C1QTNF7: variants seen among roughly 807,000 people sequenced by gnomAD.
C1QTNF7 encodes the protein C1q and TNF related 7, also known as complement C1q tumor necrosis factor-related protein 7.
In C1QTNF7, 15 loss-of-function variants were observed where a neutral mutation model predicts 19.6. The ratio of observed to expected loss-of-function variants is 0.76; its 90% CI spans 0.51 to 1.18. C1QTNF7 has a LOEUF of 1.18. Among genes scored for constraint, C1QTNF7 ranks in the 50% most tolerant of loss-of-function variants. The pLI is 0.00. For missense variants in C1QTNF7, 324 were observed against 359.7 expected (o/e 0.90, Z 0.80); for synonymous variants, 142 against 137.5 (o/e 1.03, Z -0.23).
At chr4:15,366,537 C>T (rs1420189022) in intron 1 of C1QTNF7, among the ~76,000 whole-genome samples, 1 of 152,162 alleles carries the variant, frequency 6.6e-6, no homozygotes, top group African/African-American at 2.4e-5. Flanking sequence ...TCTGCCTTTT[C>T]TTTTTCTTTC....
At chr4:15,345,822 ACTGTGTG>A (rs1716697699) in intron 1 of C1QTNF7, among the ~76,000 whole-genome samples, 1 of 152,198 alleles carries the variant, frequency 6.6e-6, no homozygotes, top group Non-Finnish European at 1.5e-5. Flanking sequence ...TTAAGTGCCT[ACTGTGTG>A]CCATGACTTT....
intron 1 of C1QTNF7, among the ~76,000 whole-genome samples, chr4:15,390,784 C>A (rs1353248292): frequency 3.3e-5 from 5 of 152,126 alleles, no homozygotes; most frequent in African/African-American, 1.2e-4. Flanking sequence ...TGTGCAAGAA[C>A]TTTTAAAGTA....
At chr4:15,425,800 GA>G (rs1712017355), upstream of C1QTNF7, among the ~76,000 whole-genome samples, 1 of 152,100 alleles carries the variant, frequency 6.6e-6, no homozygotes, top group African/African-American at 2.4e-5. Flanking sequence ...ATATCAGCTA[GA>G]ACCTTCTTTT....
chr4:15,415,303 G>C (rs1312922898), intron 1 of C1QTNF7, among the ~76,000 whole-genome samples: 1 of 152,062 alleles, frequency 6.6e-6, no homozygotes, highest in Non-Finnish European at 1.5e-5. Flanking sequence ...AGGAGGAAGA[G>C]AAAATACATG....
At chr4:15,360,137 T>C (rs904922986) in intron 1 of C1QTNF7, among the ~76,000 whole-genome samples, 3 of 152,142 alleles carry the variant, frequency 2.0e-5, no homozygotes, top group Non-Finnish European at 1.5e-5. Context: ...GGCTACCACT[T>C]AGACAGACAG....
intron 1 of C1QTNF7, among the ~76,000 whole-genome samples, chr4:15,372,088 C>T (rs372007501): frequency 1.3e-5 from 2 of 152,024 alleles, no homozygotes. Flanking sequence ...ACCAAGATAT[C>T]AATGTTGTTT....
chr4:15,429,273 C>T (rs952857319), intron 1 of C1QTNF7, among the ~76,000 whole-genome samples: 3 of 152,142 alleles, frequency 2.0e-5, no homozygotes, highest in Non-Finnish European at 2.9e-5. Flanking sequence ...CTTATGTGTA[C>T]GGTTCTGCAG....
chr4:15,344,615 A>G (rs1449437391), intron 1 of C1QTNF7, among the ~76,000 whole-genome samples: 1 of 152,022 alleles, frequency 6.6e-6, no homozygotes, highest in Non-Finnish European at 1.5e-5. Context: ...TGAAGATAAC[A>G]CTCTAAGCAC....
upstream of C1QTNF7, among the ~76,000 whole-genome samples, chr4:15,426,348 G>T (rs1399941034): frequency 2.0e-5 from 3 of 152,246 alleles, no homozygotes; most frequent in South Asian, 4.2e-4. Context: ...ACACTGACAA[G>T]CTTTATCAAC....
chr4:15,424,419 T>A (rs1711942960), upstream of C1QTNF7, among the ~76,000 whole-genome samples: 1 of 152,248 alleles, frequency 6.6e-6, no homozygotes, highest in African/African-American at 2.4e-5. Context: ...ATGTCTGCTA[T>A]GCACTCCAGG....
upstream of C1QTNF7, among the ~76,000 whole-genome samples, chr4:15,423,086 A>G (rs1370214934): frequency 6.6e-6 from 1 of 152,248 alleles, no homozygotes; most frequent in Non-Finnish European, 1.5e-5. Flanking sequence ...AGTAGAAACC[A>G]GGTATCAGTG....
upstream of C1QTNF7, among the ~76,000 whole-genome samples, chr4:15,424,605 C>A (rs540264805): frequency 2.0e-5 from 3 of 152,322 alleles, no homozygotes; most frequent in East Asian, 5.8e-4. Flanking sequence ...CCCCACTCAG[C>A]TGCCTTCCTC....
At chr4:15,419,055 C>T (rs2192355) in intron 1 of C1QTNF7, among the ~76,000 whole-genome samples, 39,916 of 152,166 alleles carry the variant, frequency 0.26, 6,062 homozygotes, top group East Asian at 0.38. Flanking sequence ...TCTGTGGCTC[C>T]GTCTGTGTTC....
upstream of C1QTNF7, among the ~76,000 whole-genome samples, chr4:15,423,675 TCCTC>T (rs1461894802): frequency 6.6e-6 from 1 of 152,154 alleles, no homozygotes; most frequent in East Asian, 1.9e-4. Context: ...CCCAGGCACA[TCCTC>T]CCTGCAGGCT....
chr4:15,400,723 T>G (rs1470885865), intron 1 of C1QTNF7, among the ~76,000 whole-genome samples: 2 of 152,202 alleles, frequency 1.3e-5, no homozygotes, highest in Non-Finnish European at 2.9e-5. Context: ...GAGGCTAAGT[T>G]AGGCAGCACT....
intron 1 of C1QTNF7, among the ~76,000 whole-genome samples, chr4:15,398,014 AC>A (rs1718854365): frequency 6.6e-6 from 1 of 152,212 alleles, no homozygotes; most frequent in South Asian, 2.1e-4. Flanking sequence ...CCACAAAGGA[AC>A]GCAGCCACAA....
intron 2 of C1QTNF7, among the ~76,000 whole-genome samples, 200 bp from the exon 3 acceptor site, chr4:15,441,968 C>A (rs1712777311): frequency 6.6e-6 from 1 of 151,948 alleles, no homozygotes; most frequent in Non-Finnish European, 1.5e-5. Flanking sequence ...TTGCAGTGAG[C>A]CAAGATCATG....
At chr4:15,416,629 GCCTTGATTGTAGGGACTCAGT>G (rs1192761634) in intron 1 of C1QTNF7, among the ~76,000 whole-genome samples, 2 of 152,176 alleles carry the variant, frequency 1.3e-5, no homozygotes, top group East Asian at 3.8e-4. Context: ...ACTCGACCCT[GCCTTGATTGTAGGGACTCAGT>G]CCTTGACCCT....
At position 15,420,826 on chromosome 4, in the gene C1QTNF7, C is replaced by CTTTTTTT. The variant is rs61609914; in HGVS notation, c.14-14887_14-14881dup. Among the ~76,000 whole-genome samples the CTTTTTTT allele has an allele frequency of 1.8e-3, 117 of 66,240 alleles. 10 individuals are homozygous for CTTTTTTT. The highest frequency in any genetic ancestry group is 2.2e-3 in the African/African-American group (35 of 16,200). 43.5% of individuals were successfully genotyped at this position (66,240 alleles called of 152,430 possible). On this transcript the variant is annotated intron_variant, in intron 1 of 2. Coordinates refer to the C1QTNF7 transcript ENST00000295297. Reference sequence around the variant, plus strand: ...CTAGGGTAACATTCCACTGCTTTGTCTTTTTTTTTTTTTTTTTTTTTTTTT... The same window carrying CTTTTTTT: ...CTAGGGTAACATTCCACTGCTTTGTCTTTTTTTTTTTTTTTTTTTTTTTTTTTTTTTT...
Sources: allele counts gnomAD v4.1 joint callset (sites outside exome capture counted in the v4.1 genomes callset), GRCh38; gene constraint gnomAD v4.1.1; transcripts MANE v1.5; gene names NCBI Gene and HGNC (gene_info 2026-07-23, HGNC 2026-07-21).